Variants in GABBR2 observed in about 807,000 individuals in gnomAD.
GABBR2 encodes the protein gamma-aminobutyric acid type B receptor subunit 2, also known as G-protein coupled receptor 51.
Under a neutral mutation model 105.6 loss-of-function variants are expected in GABBR2, and 23 were observed. The observed-to-expected ratio is 0.22, with a 90% CI of 0.16 to 0.31. The LOEUF (loss-of-function observed/expected upper bound fraction) is 0.31. Among genes scored for constraint, GABBR2 ranks in the 10% least tolerant of loss-of-function variants. GABBR2 has a pLI of 1.00. For synonymous variants in GABBR2, 478 were observed against 499.7 expected, an observed-to-expected ratio of 0.96 and a Z score of 0.58; for missense variants, 734 against 1,245.5, an observed-to-expected ratio of 0.59 and a Z score of 6.18.
At chr9:98,299,150 T>TA in intron 17 of GABBR2, 74 bp downstream of exon 17, 7 of 1,327,008 alleles carry the variant, frequency 5.3e-6, no homozygotes, top group African/African-American at 1.4e-5. Flanking sequence ...TTTCTTCATC[T>TA]AAAAAATGGA....
intron 1 of GABBR2, among the ~76,000 whole-genome samples, chr9:98,696,031 C>T (rs1830746032): frequency 6.6e-6 from 1 of 152,206 alleles, no homozygotes; most frequent in African/African-American, 2.4e-5. Context: ...AGTTCACAGT[C>T]CCCTTGTGAA....
intron 2 of GABBR2, among the ~76,000 whole-genome samples, chr9:98,568,317 T>C (rs572098420): frequency 6.6e-6 from 1 of 151,944 alleles, no homozygotes; most frequent in East Asian, 1.9e-4. Flanking sequence ...GGGGCAGAAA[T>C]GGAGACAATG....
At chr9:98,623,335 C>T (rs1484356492) in intron 1 of GABBR2, among the ~76,000 whole-genome samples, 3 of 152,012 alleles carry the variant, frequency 2.0e-5, no homozygotes, top group Admixed American at 6.6e-5. Context: ...AGGCTGAGGT[C>T]GGAGGATCAC....
intron 16 of GABBR2, among the ~76,000 whole-genome samples, chr9:98,300,504 G>A (rs1830451484): frequency 6.6e-6 from 1 of 152,176 alleles, no homozygotes; most frequent in African/African-American, 2.4e-5. Flanking sequence ...CCCCAGAGAA[G>A]CCTGGGCAAT....
chr9:98,612,035 C>T (rs1178510601), intron 1 of GABBR2, among the ~76,000 whole-genome samples: 1 of 152,226 alleles, frequency 6.6e-6, no homozygotes, highest in African/African-American at 2.4e-5. Context: ...GGGCCCTGCC[C>T]AGGAAGAGAG....
chr9:98,302,086 T>A (rs1244061123), intron 16 of GABBR2, among the ~76,000 whole-genome samples: 1 of 152,262 alleles, frequency 6.6e-6, no homozygotes, highest in Non-Finnish European at 1.5e-5. Flanking sequence ...GTTGTTGATC[T>A]GAAGTCTGAA....
At chr9:98,367,861 A>T (rs910355507) in intron 12 of GABBR2, among the ~76,000 whole-genome samples, 10 of 152,184 alleles carry the variant, frequency 6.6e-5, no homozygotes, top group Non-Finnish European at 1.5e-4. Context: ...GCGTAGTTCA[A>T]AAATGGGCTC....
chr9:98,410,163 C>T (rs1564056572), intron 7 of GABBR2, among the ~76,000 whole-genome samples: 1 of 151,058 alleles, frequency 6.6e-6, no homozygotes, highest in Non-Finnish European at 1.5e-5. Flanking sequence ...GCACTTCTCC[C>T]AGCACATGTA....
chr9:98,523,751 C>G (rs78792768), intron 3 of GABBR2, among the ~76,000 whole-genome samples: 1,937 of 152,270 alleles, frequency 0.013, 42 homozygotes, highest in African/African-American at 0.044. Flanking sequence ...GCTCTCCCAG[C>G]TTTCTATTAG....
chr9:98,651,418 G>A (rs1830103996), intron 1 of GABBR2, among the ~76,000 whole-genome samples: 1 of 150,648 alleles, frequency 6.6e-6, no homozygotes, highest in African/African-American at 2.4e-5. Context: ...GAGCCACTGT[G>A]CCCAGCTTAT....
intron 1 of GABBR2, among the ~76,000 whole-genome samples, chr9:98,615,377 G>A (rs1399120183): frequency 1.3e-5 from 2 of 152,232 alleles, no homozygotes. Context: ...GGCATCAGCT[G>A]TTCCACAGAA....
At chr9:98,690,643 A>C (rs1830671526) in intron 1 of GABBR2, among the ~76,000 whole-genome samples, 1 of 152,168 alleles carries the variant, frequency 6.6e-6, no homozygotes, top group African/African-American at 2.4e-5. Flanking sequence ...TGATCCTCTC[A>C]AGAGGGGCTG....
intron 2 of GABBR2, among the ~76,000 whole-genome samples, chr9:98,558,054 C>T (rs1391101811): frequency 6.6e-6 from 1 of 152,092 alleles, no homozygotes; most frequent in African/African-American, 2.4e-5. Flanking sequence ...AGACTTTTAT[C>T]TGGGCACTGG....
At chr9:98,680,483 A>AT (rs530334002) in intron 1 of GABBR2, among the ~76,000 whole-genome samples, 1 of 151,558 alleles carries the variant, frequency 6.6e-6, no homozygotes, top group African/African-American at 2.4e-5. Flanking sequence ...TTTTCTTTGT[A>AT]TTTTTTTAGT....
intron 3 of GABBR2, among the ~76,000 whole-genome samples, chr9:98,526,696 C>T (rs1246305936): frequency 6.6e-6 from 1 of 152,176 alleles, no homozygotes; most frequent in Non-Finnish European, 1.5e-5. Context: ...TGGTGACCAA[C>T]ACAAGCTAGG....
chr9:98,635,821 CCT>C (rs1028695026), intron 1 of GABBR2, among the ~76,000 whole-genome samples: 3 of 152,110 alleles, frequency 2.0e-5, no homozygotes, highest in African/African-American at 7.2e-5. Context: ...GTACAGGATT[CCT>C]CTCTTTAGCT....
At chr9:98,420,625 C>T (rs118181104) in intron 7 of GABBR2, among the ~76,000 whole-genome samples, 12 of 152,208 alleles carry the variant, frequency 7.9e-5, no homozygotes, top group African/African-American at 2.2e-4. Flanking sequence ...CACAAAGGCA[C>T]GAGTGCCCTG....
intron 2 of GABBR2, among the ~76,000 whole-genome samples, chr9:98,577,255 C>T (rs1382323101): frequency 9.7e-5 from 1 of 10,346 alleles, no homozygotes; most frequent in African/African-American, 4.0e-4. Flanking sequence ...GTGTATGGGC[C>T]ACCACTCACC....
chr9:98,339,972 G>A (rs1831181404), intron 13 of GABBR2, among the ~76,000 whole-genome samples: 1 of 152,112 alleles, frequency 6.6e-6, no homozygotes, highest in African/African-American at 2.4e-5. Context: ...GACATATGAT[G>A]CATTCTGGGC....
Sources: allele counts gnomAD v4.1 joint callset (sites outside exome capture counted in the v4.1 genomes callset), GRCh38; gene constraint gnomAD v4.1.1; transcripts MANE v1.5; gene names NCBI Gene and HGNC (gene_info 2026-07-23, HGNC 2026-07-21).